IGFL2: variants seen among roughly 807,000 people sequenced by gnomAD.
IGFL2 encodes the protein IGF like family member 2.
A neutral mutation model predicts 13.9 loss-of-function variants in IGFL2; 7 were observed. The observed-to-expected ratio is 0.51, with a 90% CI of 0.29 to 0.95. The LOEUF is 0.95. Among genes scored for constraint, IGFL2 ranks in the 40% least tolerant of loss-of-function variants. The probability of loss-of-function intolerance (pLI) is 0.08; values close to 1 mark genes in which losing one functional copy is unlikely to be tolerated. For synonymous variants in IGFL2, 55 were observed against 55.8 expected (o/e 0.99, Z 0.07); for missense variants, 138 against 147.8 (o/e 0.93, Z 0.34).
chr19:46,144,704 T>C (rs553204138), upstream of IGFL2, among the ~76,000 whole-genome samples: 1 of 152,184 alleles, frequency 6.6e-6, no homozygotes, highest in Non-Finnish European at 1.5e-5. Flanking sequence ...GTTGACTGTT[T>C]TCTATGCACA....
the IGFL2 span, among the ~76,000 whole-genome samples, chr19:46,123,399 A>G: frequency 4.9e-4 from 74 of 151,112 alleles, 2 homozygotes; most frequent in African/African-American, 1.8e-3. Context: ...ACTTCATACA[A>G]TACTTAGACT....
At chr19:46,176,415 T>C in the IGFL2 span, among the ~76,000 whole-genome samples, 1 of 152,114 alleles carries the variant, frequency 6.6e-6, no homozygotes, top group Non-Finnish European at 1.5e-5. Flanking sequence ...CACTGAGAGC[T>C]GGAGATGCTC....
chr19:46,192,866 A>G, the IGFL2 span, among the ~76,000 whole-genome samples: 248 of 152,262 alleles, frequency 1.6e-3, 1 homozygote, highest in African/African-American at 5.3e-3. Context: ...TCAGTTACCC[A>G]TGATCAACTG....
intron 1 of IGFL2, among the ~76,000 whole-genome samples, chr19:46,153,503 A>G (rs1973625848): frequency 6.6e-6 from 1 of 152,006 alleles, no homozygotes; most frequent in African/African-American, 2.4e-5. Context: ...AGGTATTCAG[A>G]TCTTTTGCCC....
chr19:46,164,577 C>A (rs2146903467), downstream of IGFL2: 1 of 152,350 alleles, frequency 6.6e-6, no homozygotes, highest in South Asian at 2.1e-4. Flanking sequence ...TTGGTACATA[C>A]CATTTTATCA....
upstream of IGFL2, among the ~76,000 whole-genome samples, chr19:46,141,302 C>A (rs1299907700): frequency 6.6e-6 from 1 of 152,174 alleles, no homozygotes; most frequent in Non-Finnish European, 1.5e-5. Flanking sequence ...TAAATAAACA[C>A]ATGAGCAAGG....
chr19:46,124,030 C>T, the IGFL2 span: 2 of 1,611,498 alleles, frequency 1.2e-6, no homozygotes, highest in Non-Finnish European at 8.5e-7. Context: ...GGTGGAGCCA[C>T]AGCGGCGGGT....
At chr19:46,170,705 C>T in the IGFL2 span, among the ~76,000 whole-genome samples, 5 of 152,256 alleles carry the variant, frequency 3.3e-5, no homozygotes, top group East Asian at 7.7e-4. Flanking sequence ...TCTAAAATGG[C>T]CACTCTGGGG....
intron 1 of IGFL2, chr19:46,158,999 C>A (rs1973981943): frequency 6.6e-6 from 1 of 152,220 alleles, no homozygotes; most frequent in Non-Finnish European, 1.5e-5. Flanking sequence ...CTGGGCTGCA[C>A]TCTCAGGTGC....
chr19:46,083,797 G>A, the IGFL2 span, among the ~76,000 whole-genome samples: 151,791 of 152,180 alleles, frequency 1, 75,708 homozygotes, highest in Middle Eastern at 1. Context: ...GAGATTTTGC[G>A]CATTGACAGT....
the IGFL2 span, among the ~76,000 whole-genome samples, chr19:46,093,955 G>C: frequency 1.3e-5 from 2 of 151,272 alleles, no homozygotes; most frequent in African/African-American, 4.9e-5. Flanking sequence ...TGTAGCCATG[G>C]ACTGGAAGAC....
chr19:46,214,277 A>C, the IGFL2 span: 1 of 152,240 alleles, frequency 6.6e-6, no homozygotes, highest in African/African-American at 2.4e-5. Flanking sequence ...AATGCCACGC[A>C]TGCACACAGA....
chr19:46,117,821 A>G, the IGFL2 span, among the ~76,000 whole-genome samples: 1 of 152,170 alleles, frequency 6.6e-6, no homozygotes, highest in Non-Finnish European at 1.5e-5. Flanking sequence ...TTGGGACTAC[A>G]GGCCCCAGAA....
chr19:46,205,550 C>T, the IGFL2 span, among the ~76,000 whole-genome samples: 4 of 152,072 alleles, frequency 2.6e-5, no homozygotes, highest in South Asian at 2.1e-4. Context: ...TCTTCAAACC[C>T]GTCTATAAAA....
downstream of IGFL2, among the ~76,000 whole-genome samples, chr19:46,165,387 C>T (rs148677169): frequency 5.9e-3 from 891 of 152,252 alleles, 10 homozygotes; most frequent in African/African-American, 0.02. Flanking sequence ...CAAAGGGGGT[C>T]CCATTCTAGT....
rs1238073248 is a variant in IGFL2 at position 46,161,257 on chromosome 19, T to C, written c.*169T>C. 1 of 588,734 alleles carries C rather than the reference T, an allele frequency of 1.7e-6. No individual in the cohort carries two copies. The highest frequency in any genetic ancestry group is 3.0e-6 in the Non-Finnish European group (1 of 331,270). 36.5% of individuals were successfully genotyped at this position (588,734 alleles called of 1,614,324 possible). On this transcript the variant is annotated 3_prime_UTR_variant, in exon 4 of 4. Coordinates refer to ENST00000377693, the MANE Select transcript of IGFL2 (RefSeq NM_001135113.2). ...GGACATGGAGAATGACAGTAGATTA[T>C]CAGGAAATAAATAAAGTGGTTTTTC...
At chr19:46,106,632 G>C in the IGFL2 span, among the ~76,000 whole-genome samples, 5 of 152,180 alleles carry the variant, frequency 3.3e-5, no homozygotes, top group South Asian at 1.0e-3. Context: ...AAGACAATTT[G>C]GTTGATAAGG....
chr19:46,177,957 A>G, the IGFL2 span, among the ~76,000 whole-genome samples: 1 of 152,142 alleles, frequency 6.6e-6, no homozygotes, highest in Non-Finnish European at 1.5e-5. Flanking sequence ...CTTGGAGTTT[A>G]GGCACAACTG....
chr19:46,084,816 A>G, the IGFL2 span, among the ~76,000 whole-genome samples: 2 of 152,194 alleles, frequency 1.3e-5, no homozygotes, highest in Non-Finnish European at 2.9e-5. Flanking sequence ...ACATTTCAAC[A>G]TGAGATTTGG....
Sources: gnomAD v4.1 joint callset for allele counts (sites outside exome capture counted in the v4.1 genomes callset) on GRCh38, gnomAD v4.1.1 for gene constraint, MANE v1.5 for transcripts, NCBI Gene and HGNC (gene_info 2026-07-23, HGNC 2026-07-21) for gene names.